SPAG9: variants seen among roughly 807,000 people sequenced by gnomAD.
SPAG9 encodes the protein sperm associated antigen 9.
SPAG9 carries 35 observed loss-of-function variants against 166.5 expected under a neutral mutation model. That is an observed-to-expected ratio of 0.21 (90% CI 0.16 to 0.28). The LOEUF (loss-of-function observed/expected upper bound fraction) is 0.28, where lower values mean the gene tolerates loss of function less well. Among genes scored for constraint, SPAG9 ranks in the 10% least tolerant of loss-of-function variants. The pLI is 1.00. For synonymous variants in SPAG9, 534 were observed against 565.5 expected (o/e 0.94, Z 0.79); for missense variants, 1,235 against 1,603.3 (o/e 0.77, Z 3.92).
intron 12 of SPAG9, among the ~76,000 whole-genome samples, chr17:51,002,766 AAACAAC>A (rs75218074): frequency 2.6e-5 from 4 of 151,700 alleles, no homozygotes; most frequent in Admixed American, 6.6e-5. Context: ...TTAAAAAACA[AAACAAC>A]AACAACAACA....
intron 1 of SPAG9, among the ~76,000 whole-genome samples, chr17:51,098,087 G>A (rs1013953799): frequency 6.6e-6 from 1 of 152,092 alleles, no homozygotes; most frequent in Non-Finnish European, 1.5e-5. Context: ...GCCTCCCAAA[G>A]CACTGGGATT....
chr17:50,989,519 T>G, intron 21 of SPAG9, 158 bp downstream of exon 21: 2 of 706,100 alleles, frequency 2.8e-6, no homozygotes, highest in Non-Finnish European at 5.0e-6. Flanking sequence ...GCGAGAATGA[T>G]GGAGCGGGAA....
At chr17:51,066,605 C>G (rs1473765420) in intron 2 of SPAG9, among the ~76,000 whole-genome samples, 5 of 149,870 alleles carry the variant, frequency 3.3e-5, no homozygotes, top group Non-Finnish European at 7.4e-5. Flanking sequence ...GCCTGTAATC[C>G]CAGCACTTTG....
At chr17:50,980,103 G>A (rs1974485812) in intron 25 of SPAG9, among the ~76,000 whole-genome samples, 186 bp from the exon 26 acceptor site, 6 of 152,088 alleles carry the variant, frequency 3.9e-5, no homozygotes, top group African/African-American at 9.7e-5. Context: ...AACTAAGAAC[G>A]GGATATTGGA....
intron 1 of SPAG9, among the ~76,000 whole-genome samples, chr17:51,101,917 G>A (rs1395848760): frequency 2.6e-5 from 4 of 152,074 alleles, no homozygotes; most frequent in African/African-American, 9.7e-5. Flanking sequence ...AAGCCACCGC[G>A]CCTGGCCTAT....
At chr17:50,996,429 A>C in intron 16 of SPAG9, 136 bp downstream of exon 16, 1 of 947,308 alleles carries the variant, frequency 1.1e-6, no homozygotes, top group Non-Finnish European at 1.6e-6. Flanking sequence ...ACCACCCTCC[A>C]TGCTTAAATG....
chr17:50,995,314 G>A, intron 17 of SPAG9, 90 bp from the exon 18 acceptor site: 1 of 1,313,408 alleles, frequency 7.6e-7, no homozygotes, highest in Non-Finnish European at 1.1e-6. Flanking sequence ...GTAAATACAG[G>A]TCTTATAACC....
rs2045269550 is a variant in SPAG9 at position 51,007,324 on chromosome 17, T to C, written c.1216A>G (p.Met406Val). The change falls in exon 10 of 30, where the codon ATG becomes GTG. Residue 406 changes from methionine (M) to valine (V), a missense_variant and splice_region_variant. Around this residue, in one of 6 missense-constraint regions of SPAG9, gnomAD observed 3 missense variants for 17.8 expected, o/e 0.17. Transcript: ENST00000262013. ...ATAAGATTCTCAACTTCCCGACCCA[T>C]TCCTATCAAACGAAAAAAGATAAAG... Reference protein sequence around the residue: ...DVDEGADLLGMGREVENLILE... With the variant: ...DVDEGADLLGVGREVENLILE... 2 of 1,564,214 alleles carry C rather than the reference T, an allele frequency of 1.3e-6. No homozygotes were observed. Among genetic ancestry groups the C allele is most frequent in the Non-Finnish European group, 1.7e-6 (2 of 1,149,184 alleles).
intron 25 of SPAG9, among the ~76,000 whole-genome samples, chr17:50,981,385 TGTGTGTGGATGG>T (rs1974585986): frequency 6.8e-6 from 1 of 146,944 alleles, no homozygotes; most frequent in Non-Finnish European, 1.5e-5. Flanking sequence ...ATATTCAACC[TGTGTGTGGATGG>T]ATGGATGGAT....
chr17:51,015,419 C>G (rs2045654787), intron 8 of SPAG9, among the ~76,000 whole-genome samples: 1 of 152,110 alleles, frequency 6.6e-6, no homozygotes, highest in Non-Finnish European at 1.5e-5. Flanking sequence ...GCACAGCTCC[C>G]TAATAATGGA....
intron 26 of SPAG9, 90 bp from the exon 27 acceptor site, chr17:50,977,311 AC>A: frequency 3.7e-6 from 3 of 804,056 alleles, no homozygotes; most frequent in Non-Finnish European, 4.2e-6. Context: ...GGATTACAAA[AC>A]AAAAAAAAAA....
chr17:51,019,099 T>C (rs957014948), intron 8 of SPAG9, among the ~76,000 whole-genome samples: 2 of 152,260 alleles, frequency 1.3e-5, no homozygotes, highest in African/African-American at 4.8e-5. Context: ...CAGGGCTCAC[T>C]TGTCCTTCTT....
intron 3 of SPAG9, among the ~76,000 whole-genome samples, chr17:51,050,288 A>G (rs1327464388): frequency 1.3e-5 from 2 of 152,248 alleles, no homozygotes; most frequent in East Asian, 1.9e-4. Context: ...AAGAGAGAAC[A>G]ATAACAACAA....
intron 5 of SPAG9, 123 bp from the exon 6 acceptor site, chr17:51,031,845 A>G (rs752473089): frequency 2.6e-6 from 2 of 771,584 alleles, no homozygotes; most frequent in African/African-American, 1.7e-5. Context: ...TACTGTGTTT[A>G]AAATGAGGGT....
Position 51,021,149 on chromosome 17 carries a change from G to A in SPAG9, c.991+9C>T. 3 of 1,608,818 alleles carry A rather than the reference G, an allele frequency of 1.9e-6. No individual in the cohort carries two copies. Among genetic ancestry groups the A allele is most frequent in the Non-Finnish European group, 2.6e-6 (3 of 1,175,358 alleles). Reference sequence around the variant, plus strand: ...CTTTCCTAGTAAGTAAAGAACTAGGGTCACTCACCAGTAGATACATTTCTA... The same window carrying A: ...CTTTCCTAGTAAGTAAAGAACTAGGATCACTCACCAGTAGATACATTTCTA... On this transcript the variant is annotated intron_variant, in intron 7 of 29. Coordinates refer to ENST00000262013, the MANE Select transcript of SPAG9 (RefSeq NM_001130528.3).
At position 51,021,364 on chromosome 17, in the gene SPAG9, T is replaced by C; in HGVS notation, c.785A>G (p.Asp262Gly). 2 of 1,598,554 alleles carry C rather than the reference T, an allele frequency of 1.3e-6. No individual in the cohort carries two copies. The highest frequency in any genetic ancestry group is 1.7e-6 in the Non-Finnish European group (2 of 1,172,922). ...GCCTTGGCTAACATCAGAAAGCTCA[T>C]CCTACAAATAAAAATAATTTAAAAT... ...PEPQKAVEQEDELSDVSQGGS... is the reference protein window; with the variant it reads ...PEPQKAVEQEGELSDVSQGGS... The change falls in exon 7 of 30, where the codon GAT becomes GGT. Residue 262 changes from aspartate to glycine, a missense_variant and splice_region_variant. Asp to Gly is a moderately conservative substitution (Grantham distance 94, BLOSUM62 -1). Around this residue, in one of 6 missense-constraint regions of SPAG9, gnomAD observed 288 missense variants for 323.7 expected, o/e 0.89. Coordinates refer to ENST00000262013, the MANE Select transcript of SPAG9 (RefSeq NM_001130528.3).
intron 8 of SPAG9, among the ~76,000 whole-genome samples, chr17:51,018,323 C>G (rs965471528): frequency 6.6e-6 from 1 of 151,702 alleles, no homozygotes; most frequent in African/African-American, 2.4e-5. Flanking sequence ...TGAGATAGCA[C>G]CACTGCATCC....
chr17:50,992,656 G>C (rs551106805), intron 19 of SPAG9, among the ~76,000 whole-genome samples: 1 of 152,158 alleles, frequency 6.6e-6, no homozygotes, highest in South Asian at 2.1e-4. Context: ...ATCCAGCCTG[G>C]GCAACAGAGT....
chr17:51,048,641 T>C (rs2144467411), intron 3 of SPAG9, among the ~76,000 whole-genome samples: 1 of 152,290 alleles, frequency 6.6e-6, no homozygotes, highest in South Asian at 2.1e-4. Flanking sequence ...AAATTCACTT[T>C]ACAAAGCTTG....
Sources: allele counts gnomAD v4.1 joint callset (sites outside exome capture counted in the v4.1 genomes callset), GRCh38; gene constraint gnomAD v4.1.1; regional missense constraint gnomAD v4.1.1; transcripts MANE v1.5; gene names NCBI Gene and HGNC (gene_info 2026-07-23, HGNC 2026-07-21).